STK4: variants seen among roughly 807,000 people sequenced by gnomAD.
STK4 encodes serine/threonine kinase 4.
Under a neutral mutation model 64.9 loss-of-function variants are expected in STK4, and 30 were observed. The ratio of observed to expected loss-of-function variants is 0.46; its 90% CI spans 0.35 to 0.63. STK4 has a LOEUF of 0.63. Ranked by LOEUF, STK4 falls within the 20% of genes least tolerant of loss-of-function variation. STK4 has a pLI of 0.01. For synonymous variants in STK4, 177 were observed against 199.0 expected (o/e 0.89, Z 0.93); for missense variants, 466 against 598.5 (o/e 0.78, Z 2.31).
In STK4 at chr20:45,012,799, C is replaced by CTTT. The variant is rs57529086; in HGVS notation, c.1147+11458_1147+11460dup. Among the ~76,000 whole-genome samples the CTTT allele has an allele frequency of 1.5e-4, 17 of 115,584 alleles. 1 individual carries two copies. The highest frequency in any genetic ancestry group is 2.2e-4 in the East Asian group (1 of 4,534). 75.8% of individuals were successfully genotyped at this position (115,584 alleles called of 152,430 possible). ...ATATAATCTTCTTCTTCTTCTTCTT[C>CTTT]TTTTTTTTTTTTTTGAGGCACTGTC... is the stretch of plus-strand genomic sequence containing the variant. On this transcript the variant is annotated intron_variant, in intron 9 of 10. Transcript: ENST00000372806.
chr20:45,011,729 A>ATATATATATATATAT (rs60170856), intron 9 of STK4, among the ~76,000 whole-genome samples: 5 of 115,390 alleles, frequency 4.3e-5, no homozygotes, highest in African/African-American at 1.8e-4. Flanking sequence ...ATATATATAT[A>ATATATATATATATAT]TTTTTTTTTT....
At chr20:45,014,392 C>T (rs2068104723) in intron 9 of STK4, among the ~76,000 whole-genome samples, 1 of 151,996 alleles carries the variant, frequency 6.6e-6, no homozygotes, top group Non-Finnish European at 1.5e-5. Flanking sequence ...TACCACTACA[C>T]TCCAGCCTGG....
chr20:45,048,439 T>C (rs1344426321), intron 10 of STK4, among the ~76,000 whole-genome samples: 1 of 151,264 alleles, frequency 6.6e-6, no homozygotes, highest in East Asian at 2.0e-4. Flanking sequence ...AAAAGGAAGG[T>C]AAGAGGAAGA....
intron 10 of STK4, among the ~76,000 whole-genome samples, chr20:45,060,968 T>TA (rs760627849): frequency 5.3e-5 from 8 of 152,186 alleles, no homozygotes; most frequent in Non-Finnish European, 1.2e-4. Flanking sequence ...GCTACATTTT[T>TA]AAAAAGATGT....
intron 5 of STK4, among the ~76,000 whole-genome samples, chr20:44,991,890 C>T (rs6094071): frequency 6.6e-6 from 1 of 152,138 alleles, no homozygotes; most frequent in Admixed American, 6.5e-5. Context: ...TCTCAAACTC[C>T]TGAGCTCAAG....
At chr20:44,990,549 GC>G (rs1262207721) in intron 5 of STK4, among the ~76,000 whole-genome samples, 1 of 152,046 alleles carries the variant, frequency 6.6e-6, no homozygotes, top group Non-Finnish European at 1.5e-5. Context: ...CTAAGTTTAG[GC>G]CCCTCTCCGG....
intron 9 of STK4, among the ~76,000 whole-genome samples, chr20:45,006,361 A>G (rs982583353): frequency 1.3e-5 from 2 of 151,578 alleles, no homozygotes; most frequent in African/African-American, 2.4e-5. Flanking sequence ...CAGTCTCCCA[A>G]GCAGCTGGGA....
chr20:45,041,835 ATTGT>A (rs894023206), intron 10 of STK4, among the ~76,000 whole-genome samples: 4 of 152,088 alleles, frequency 2.6e-5, no homozygotes, highest in Non-Finnish European at 4.4e-5. Flanking sequence ...CCTGGCAAAC[ATTGT>A]TTGTTAGCCT....
At chr20:44,981,363 C>G (rs2067435786) in intron 3 of STK4, among the ~76,000 whole-genome samples, 3 of 151,778 alleles carry the variant, frequency 2.0e-5, no homozygotes, top group Admixed American at 2.0e-4. Context: ...CCATCTTGTC[C>G]AGGCTGGTCA....
chr20:45,069,860 G>A (rs995634488), intron 10 of STK4, among the ~76,000 whole-genome samples: 4 of 152,140 alleles, frequency 2.6e-5, no homozygotes, highest in African/African-American at 9.7e-5. Flanking sequence ...AGAGAGACAA[G>A]TAAAAGAAAA....
intron 9 of STK4, among the ~76,000 whole-genome samples, chr20:45,011,609 A>C (rs1054168923): frequency 1.3e-5 from 2 of 150,952 alleles, no homozygotes; most frequent in Admixed American, 6.6e-5. Flanking sequence ...TTAAACTGTA[A>C]TCAGCTAAAA....
In STK4 at chr20:45,077,797, A is replaced by G. The variant is rs1057500479; in HGVS notation, c.*2621A>G. The G allele has an allele frequency of 2.0e-5, 3 of 152,180 alleles. No homozygotes were observed. The highest frequency in any genetic ancestry group is 4.4e-5 in the Non-Finnish European group (3 of 68,026). The allele number at this position is 152,180 out of a possible 1,614,324, so 9.4% of individuals were successfully genotyped here. A position where few individuals can be genotyped will look rare whatever the true frequency, so the allele number is the denominator to read the frequency against. On this transcript the variant is annotated 3_prime_UTR_variant, in exon 11 of 11. Transcript: ENST00000372806. ...ATAAAAGAAAGTTCAGTTTTCCCCC[A>G]TAACTATTCTTGGGTCATGAACTTT...
chr20:45,012,948 ATTTTTTTT>A (rs60788017), intron 9 of STK4, among the ~76,000 whole-genome samples: 1 of 51,166 alleles, frequency 2.0e-5, no homozygotes, highest in South Asian at 9.2e-4. Context: ...CACACCTGTG[ATTTTTTTT>A]TTTTTTTTTT....
chr20:45,021,679 C>CA (rs1228326927), intron 9 of STK4, among the ~76,000 whole-genome samples: 2 of 152,172 alleles, frequency 1.3e-5, no homozygotes, highest in Non-Finnish European at 2.9e-5. Context: ...CCACCAACAA[C>CA]AAAAAATCCA....
chr20:45,008,527 A>G (rs1166198824), intron 9 of STK4, among the ~76,000 whole-genome samples: 1 of 152,186 alleles, frequency 6.6e-6, no homozygotes, highest in Non-Finnish European at 1.5e-5. Context: ...ATGCATGTGC[A>G]TTTTTGGTAA....
At chr20:45,043,730 T>C (rs2068649166) in intron 10 of STK4, among the ~76,000 whole-genome samples, 1 of 152,212 alleles carries the variant, frequency 6.6e-6, no homozygotes, top group South Asian at 2.1e-4. Context: ...AACAGGTAAG[T>C]ATAATGCAAA....
chr20:45,065,675 G>A (rs2145473610), intron 10 of STK4, among the ~76,000 whole-genome samples: 1 of 152,084 alleles, frequency 6.6e-6, no homozygotes, highest in East Asian at 1.9e-4. Context: ...TAGGTTCTGG[G>A]AATTTTTTGT....
chr20:45,017,288 A>G (rs148833653), intron 9 of STK4, among the ~76,000 whole-genome samples: 223 of 152,332 alleles, frequency 1.5e-3, no homozygotes, highest in Middle Eastern at 6.8e-3. Context: ...ATGTGTATAG[A>G]GCATTACTCT....
intron 10 of STK4, among the ~76,000 whole-genome samples, chr20:45,062,220 A>G (rs1979096429): frequency 6.6e-6 from 1 of 152,132 alleles, no homozygotes; most frequent in Admixed American, 6.6e-5. Flanking sequence ...TTTGCTTAAG[A>G]TAATGGCCTC....
Sources: gnomAD v4.1 joint callset for allele counts (sites outside exome capture counted in the v4.1 genomes callset) on GRCh38, gnomAD v4.1.1 for gene constraint, MANE v1.5 for transcripts, NCBI Gene and HGNC (gene_info 2026-07-23, HGNC 2026-07-21) for gene names.